The following UBE2O variants were observed in gnomAD, a reference collection of about 807,000 sequenced individuals.
The protein encoded by UBE2O is (E3-independent) E2 ubiquitin-conjugating enzyme.
UBE2O carries 15 observed loss-of-function variants against 125.8 expected under a neutral mutation model. That is an observed-to-expected ratio of 0.12 (90% CI 0.08 to 0.18). UBE2O has a LOEUF of 0.18. Ranked by LOEUF, UBE2O falls within the 10% of genes least tolerant of loss-of-function variation. The probability of loss-of-function intolerance (pLI) is 1.00; values close to 1 mark genes in which losing one functional copy is unlikely to be tolerated. For missense variants in UBE2O, 1,280 were observed against 1,723.6 expected (o/e 0.74, Z 4.56); for synonymous variants, 708 against 703.2 (o/e 1.01, Z -0.11).
At position 76,396,392 on chromosome 17, in the gene UBE2O, G is replaced by A. The variant is rs141637476; in HGVS notation, c.2545C>T (p.Arg849Trp). The change falls in exon 14 of 18, where the codon CGG becomes TGG. Residue 849 changes from arginine to tryptophan, a missense_variant. Around this residue, in one of 10 missense-constraint regions of UBE2O, gnomAD observed 210 missense variants for 268.9 expected, o/e 0.78. Transcript: ENST00000319380. The surrounding 1 kb of genome is among the most constrained non-coding windows in gnomAD (Gnocchi z 6.7). ...ATGTCATCCAGAAACTTCTTCTCCC[G>A]AGTTGGCTTCTCAGGCTCCACAGTC... Reference protein sequence around the residue: ...SPTVEPEKPTREKKFLDDIKK... With the variant: ...SPTVEPEKPTWEKKFLDDIKK... 16 of 1,614,014 alleles carry A rather than the reference G, an allele frequency of 9.9e-6. No homozygotes were observed. The highest frequency in any genetic ancestry group is 8.0e-5 in the African/African-American group (6 of 74,922).
rs746054159 is a variant in UBE2O at position 76,400,524 on chromosome 17, T to C, written c.921A>G (p.Thr307=). 4 of 1,613,278 alleles carry C rather than the reference T, an allele frequency of 2.5e-6. No homozygotes were observed. Among genetic ancestry groups the C allele is most frequent in the African/African-American group, 1.3e-5 (1 of 75,036 alleles). The change falls in exon 7 of 18, where the codon ACA becomes ACG. Residue 307 remains threonine, a synonymous_variant. Coordinates refer to ENST00000319380, the MANE Select transcript of UBE2O (RefSeq NM_022066.4). The surrounding 1 kb of genome is among the most constrained non-coding windows in gnomAD (Gnocchi z 4.3). The part of the protein sequence containing the change: ...EEVQVVELKV[T]WITKSFCPGG... ...CTGGACAGAAACTCTTGGTAATCCA[T>C]GTAACTTTCAACTCTACAACCTGCA...
intron 1 of UBE2O, among the ~76,000 whole-genome samples, chr17:76,445,217 G>A (rs2073132894): frequency 6.6e-6 from 1 of 151,282 alleles, no homozygotes; most frequent in East Asian, 1.9e-4. Flanking sequence ...AGGACTGACT[G>A]CCTTTTTTTT....
intron 5 of UBE2O, 191 bp downstream of exon 5, chr17:76,401,873 C>CAA (rs71280851): frequency 0.014 from 2,086 of 151,556 alleles, 18 homozygotes; most frequent in African/African-American, 0.036. Flanking sequence ...GACTCTGTCT[C>CAA]AAAAAAAAAA....
chr17:76,418,038 G>T (rs538133296), intron 1 of UBE2O, among the ~76,000 whole-genome samples: 1 of 152,184 alleles, frequency 6.6e-6, no homozygotes, highest in African/African-American at 2.4e-5. Context: ...TCAGGAGGAA[G>T]GCGCAGGGGG....
At chr17:76,401,313 T>A (rs558679764) in intron 5 of UBE2O, among the ~76,000 whole-genome samples, 159 bp from the exon 6 acceptor site, 9 of 152,290 alleles carry the variant, frequency 5.9e-5, no homozygotes, top group Admixed American at 4.6e-4. Flanking sequence ...ACATCAGCAC[T>A]TCCCAAACCC....
At chr17:76,446,458 CAAACA>C (rs2073152870) in intron 1 of UBE2O, among the ~76,000 whole-genome samples, 2 of 118,282 alleles carry the variant, frequency 1.7e-5, no homozygotes, top group South Asian at 2.8e-4. Context: ...AAAACAAAAA[CAAACA>C]AAAAAAAAAA....
chr17:76,451,345 G>T (rs1215446786), intron 1 of UBE2O, among the ~76,000 whole-genome samples: 1 of 152,172 alleles, frequency 6.6e-6, no homozygotes, highest in Non-Finnish European at 1.5e-5. Context: ...TCTTGTAAAT[G>T]GACTGATAAT....
Position 76,452,060 on chromosome 17 carries a change from G to A in UBE2O, c.417+665C>T, listed in dbSNP as rs989248691. On this transcript the variant is annotated intron_variant, in intron 1 of 17. Coordinates refer to ENST00000319380, the MANE Select transcript of UBE2O (RefSeq NM_022066.4). The surrounding 1 kb of genome is among the most constrained non-coding windows in gnomAD (Gnocchi z 4.4). ...TTTTCAAGGAGTCCATATGCACTTA[G>A]GAGTCATCAATCCCGGTCGCAGCTG... Among the ~76,000 whole-genome samples the A allele has an allele frequency of 6.6e-6, 1 of 152,022 alleles. No homozygotes were observed. Among genetic ancestry groups the A allele is most frequent in the Non-Finnish European group, 1.5e-5 (1 of 68,016 alleles).
chr17:76,433,519 C>T (rs1413208637), intron 1 of UBE2O, among the ~76,000 whole-genome samples: 1 of 150,754 alleles, frequency 6.6e-6, no homozygotes, highest in African/African-American at 2.4e-5. Flanking sequence ...CGGTGATGAC[C>T]GTACAACCGT....
At chr17:76,438,329 G>A (rs2073030237) in intron 1 of UBE2O, among the ~76,000 whole-genome samples, 1 of 151,856 alleles carries the variant, frequency 6.6e-6, no homozygotes, top group South Asian at 2.1e-4. Flanking sequence ...TGGTTAAAAT[G>A]GTAAATTTTG....
intron 1 of UBE2O, among the ~76,000 whole-genome samples, chr17:76,409,436 G>A (rs112823298): frequency 0.011 from 1,626 of 151,158 alleles, 18 homozygotes; most frequent in African/African-American, 0.033. Context: ...TCGCTTTGTC[G>A]CCCAGGTTGG....
intron 1 of UBE2O, among the ~76,000 whole-genome samples, chr17:76,432,864 G>A (rs1335749824): frequency 6.6e-6 from 1 of 152,198 alleles, no homozygotes; most frequent in Non-Finnish European, 1.5e-5. Context: ...CACTAGGAAT[G>A]CATGCCAAAT....
At chr17:76,440,929 G>A (rs1312070866) in intron 1 of UBE2O, among the ~76,000 whole-genome samples, 2 of 152,194 alleles carry the variant, frequency 1.3e-5, no homozygotes, top group Non-Finnish European at 2.9e-5. Context: ...GGGCCTGTGT[G>A]GGGGTATCTC....
chr17:76,393,164 G>A (rs933001915), intron 15 of UBE2O, among the ~76,000 whole-genome samples: 7 of 151,576 alleles, frequency 4.6e-5, no homozygotes, highest in African/African-American at 1.5e-4. Flanking sequence ...AAGCTTAGAT[G>A]GGAGGATCAC....
At chr17:76,401,997 T>C in intron 5 of UBE2O, 67 bp downstream of exon 5, 1 of 1,541,254 alleles carries the variant, frequency 6.5e-7, no homozygotes, top group Non-Finnish European at 8.9e-7. Context: ...AGGTCTTTGC[T>C]ACGAAGTCCT....
At chr17:76,422,519 C>T (rs2072729363) in intron 1 of UBE2O, among the ~76,000 whole-genome samples, 1 of 152,188 alleles carries the variant, frequency 6.6e-6, no homozygotes, top group Non-Finnish European at 1.5e-5. Context: ...TGCCAGATGC[C>T]AATGAAACAT....
Position 76,390,880 on chromosome 17 carries a change from G to A in UBE2O, c.*63C>T. 6.7e-7 allele frequency: 1 copy of A among 1,496,214 alleles called. No homozygotes were observed. Among genetic ancestry groups the A allele is most frequent in the Non-Finnish European group, 9.0e-7 (1 of 1,112,274 alleles). The allele number at this position is 1,496,214 out of a possible 1,614,324, so 92.7% of individuals were successfully genotyped here. ...GCATGGGAAGAGGGGTGATTCCGGGGGGGAGTGAGCAGGCGGCGGCTGGCC... is the reference window on the plus strand; with the variant it reads ...GCATGGGAAGAGGGGTGATTCCGGGAGGGAGTGAGCAGGCGGCGGCTGGCC... On this transcript the variant is annotated 3_prime_UTR_variant, in exon 18 of 18. Coordinates refer to ENST00000319380, the MANE Select transcript of UBE2O (RefSeq NM_022066.4).
At chr17:76,419,366 A>T (rs1010744642) in intron 1 of UBE2O, among the ~76,000 whole-genome samples, 3 of 152,060 alleles carry the variant, frequency 2.0e-5, no homozygotes, top group Non-Finnish European at 4.4e-5. Context: ...GTCTTTAATT[A>T]AAAAAAGTTT....
chr17:76,391,729 C>CG lies in UBE2O; in HGVS notation c.3208+26dup. 6.2e-7 allele frequency: 1 copy of CG among 1,613,394 alleles called. No individual in the cohort carries two copies. The highest frequency in any genetic ancestry group is 8.5e-7 in the Non-Finnish European group (1 of 1,179,622). On this transcript the variant is annotated intron_variant, in intron 17 of 17. Coordinates refer to ENST00000319380, the MANE Select transcript of UBE2O (RefSeq NM_022066.4). The surrounding 1 kb of genome is among the most constrained non-coding windows in gnomAD (Gnocchi z 8.4). The stretch of plus-strand genomic sequence containing the variant: ...TTTCCTCCACCGGCCCTCCCTTGTC[C>CG]GCACCCCCGCTTCAGCCCAACTGTA...
Sources: allele counts gnomAD v4.1 joint callset (sites outside exome capture counted in the v4.1 genomes callset), GRCh38; gene constraint gnomAD v4.1.1; regional missense constraint gnomAD v4.1.1; non-coding constraint Gnocchi (gnomAD v3.1); transcripts MANE v1.5; gene names NCBI Gene and HGNC (gene_info 2026-07-23, HGNC 2026-07-21).